AUTS2: variants seen among roughly 807,000 people sequenced by gnomAD.
AUTS2 encodes autism susceptibility gene 2 protein.
Under a neutral mutation model 112.4 loss-of-function variants are expected in AUTS2, and 17 were observed. The ratio of observed to expected loss-of-function variants is 0.15; its 90% CI spans 0.10 to 0.23. The LOEUF is 0.23. Among genes scored for constraint, AUTS2 ranks in the 10% least tolerant of loss-of-function variants. The probability of loss-of-function intolerance (pLI) is 1.00; values close to 1 mark genes in which losing one functional copy is unlikely to be tolerated. For synonymous variants in AUTS2, 751 were observed against 702.7 expected (o/e 1.07, Z -1.09); for missense variants, 1,510 against 1,701.6 (o/e 0.89, Z 1.98).
intron 5 of AUTS2, among the ~76,000 whole-genome samples, chr7:70,689,644 C>T (rs564807655): frequency 2.6e-5 from 4 of 151,754 alleles, no homozygotes; most frequent in East Asian, 2.0e-4. Flanking sequence ...GGCATGGTGG[C>T]GGGTGCCTGT....
intron 4 of AUTS2, among the ~76,000 whole-genome samples, chr7:70,422,513 AT>A (rs1795264806): frequency 6.6e-6 from 1 of 152,204 alleles, no homozygotes; most frequent in Non-Finnish European, 1.5e-5. Flanking sequence ...ATAGTGGCTC[AT>A]GCCTGTAATC....
At chr7:70,280,463 T>G (rs1788160204) in intron 4 of AUTS2, among the ~76,000 whole-genome samples, 1 of 149,304 alleles carries the variant, frequency 6.7e-6, no homozygotes, top group Non-Finnish European at 1.5e-5. Flanking sequence ...TTTTTTTTTT[T>G]TTTTTTGTAT....
intron 5 of AUTS2, among the ~76,000 whole-genome samples, chr7:70,597,270 C>A (rs569773782): frequency 6.6e-6 from 1 of 152,298 alleles, no homozygotes; most frequent in East Asian, 1.9e-4. Context: ...ATTGGGTAAT[C>A]TCTAAAACTG....
rs377191731 is a variant in AUTS2, at chr7:70,576,947, G to T, written c.691-121622G>T. ...ACAGTTTGGGAAATGCTACTCCAGA[G>T]GATCTGGAGTAAGACAAACCAGCAG... On this transcript the variant is annotated intron_variant, in intron 5 of 18. Coordinates refer to ENST00000342771, the MANE Select transcript of AUTS2 (RefSeq NM_015570.4). 2.4e-4 allele frequency among the ~76,000 whole-genome samples: 37 copies of T among 152,124 alleles called. 1 individual carries two copies. Among genetic ancestry groups the T allele is most frequent in the African/African-American group, 8.7e-4 (36 of 41,384 alleles).
intron 5 of AUTS2, among the ~76,000 whole-genome samples, chr7:70,441,517 C>T (rs1796122724): frequency 6.6e-6 from 1 of 152,158 alleles, no homozygotes; most frequent in Non-Finnish European, 1.5e-5. Context: ...TCCCAAGTAG[C>T]TGGGACTACA....
chr7:69,767,519 TA>T (rs1217164081), intron 1 of AUTS2, among the ~76,000 whole-genome samples: 2 of 152,216 alleles, frequency 1.3e-5, no homozygotes, highest in African/African-American at 4.8e-5. Context: ...ACTTTTGCCG[TA>T]GTTGGACTTC....
At chr7:70,463,289 G>C (rs1797043123) in intron 5 of AUTS2, among the ~76,000 whole-genome samples, 1 of 152,192 alleles carries the variant, frequency 6.6e-6, no homozygotes, top group African/African-American at 2.4e-5. Context: ...AAAACCCGTA[G>C]AAAACCCTAG....
At chr7:69,803,354 T>G (rs752059657) in intron 1 of AUTS2, among the ~76,000 whole-genome samples, 1 of 152,106 alleles carries the variant, frequency 6.6e-6, no homozygotes, top group Non-Finnish European at 1.5e-5. Context: ...CATGTGCCAG[T>G]GGGGGCCATC....
chr7:70,349,274 T>G (rs1267123019), intron 4 of AUTS2, among the ~76,000 whole-genome samples: 1 of 152,236 alleles, frequency 6.6e-6, no homozygotes, highest in Non-Finnish European at 1.5e-5. Context: ...TTAGTGATTC[T>G]GCTGCTTGGT....
intron 2 of AUTS2, among the ~76,000 whole-genome samples, chr7:70,040,117 T>C (rs965967046): frequency 1.3e-5 from 2 of 152,086 alleles, no homozygotes; most frequent in African/African-American, 4.8e-5. Context: ...GGGCAGTGAC[T>C]CTGTATTACA....
chr7:70,095,676 A>G (rs1804157479), intron 2 of AUTS2, among the ~76,000 whole-genome samples: 1 of 152,202 alleles, frequency 6.6e-6, no homozygotes, highest in Admixed American at 6.5e-5. Flanking sequence ...AAATAATAAT[A>G]CAGTTATACA....
intron 5 of AUTS2, among the ~76,000 whole-genome samples, chr7:70,464,809 G>A (rs762178923): frequency 9.2e-5 from 14 of 152,158 alleles, no homozygotes; most frequent in Non-Finnish European, 1.8e-4. Context: ...TCAGGGTCTT[G>A]GATACCAGGA....
chr7:70,179,254 C>G (rs1325515811), intron 4 of AUTS2, among the ~76,000 whole-genome samples: 1 of 152,156 alleles, frequency 6.6e-6, no homozygotes, highest in Non-Finnish European at 1.5e-5. Context: ...ACAGACACGT[C>G]TTTTGAGTCC....
At chr7:70,339,727 CAG>C (rs1215590561) in intron 4 of AUTS2, among the ~76,000 whole-genome samples, 1 of 152,112 alleles carries the variant, frequency 6.6e-6, no homozygotes, top group African/African-American at 2.4e-5. Context: ...ATTTAAGTCT[CAG>C]ATTGTTCAAG....
At chr7:69,942,654 T>A (rs1446121557) in intron 2 of AUTS2, among the ~76,000 whole-genome samples, 5 of 152,228 alleles carry the variant, frequency 3.3e-5, no homozygotes, top group African/African-American at 1.2e-4. Context: ...CCCACTGGGC[T>A]GTGATTCCAT....
intron 4 of AUTS2, among the ~76,000 whole-genome samples, chr7:70,155,844 G>A (rs769159911): frequency 6.6e-6 from 1 of 152,146 alleles, no homozygotes; most frequent in African/African-American, 2.4e-5. Context: ...AGGAGCCCGT[G>A]TGAGTTCATG....
At chr7:70,714,104 T>C (rs560290367) in intron 6 of AUTS2, among the ~76,000 whole-genome samples, 1 of 152,272 alleles carries the variant, frequency 6.6e-6, no homozygotes, top group African/African-American at 2.4e-5. Flanking sequence ...ATCACACCAC[T>C]CAAAGGTGTG....
At chr7:70,161,180 G>A (rs1423560621) in intron 4 of AUTS2, among the ~76,000 whole-genome samples, 5 of 152,114 alleles carry the variant, frequency 3.3e-5, no homozygotes, top group African/African-American at 1.2e-4. Flanking sequence ...AAAGGAAACA[G>A]GAGTAAAATC....
At position 70,631,289 on chromosome 7, in the gene AUTS2, G is replaced by A. The variant is rs577671120; in HGVS notation, c.691-67280G>A. 1.3e-5 allele frequency among the ~76,000 whole-genome samples: 2 copies of A among 152,298 alleles called. No individual in the cohort carries two copies. Among genetic ancestry groups the A allele is most frequent in the East Asian group, 1.9e-4 (1 of 5,178 alleles). ...GCAGGGCTGGGGCCCGGCTTGCTGC[G>A]GGCTGGCCGGGCTGCTGGCTCGCCT... On this transcript the variant is annotated intron_variant, in intron 5 of 18. Coordinates refer to ENST00000342771, the MANE Select transcript of AUTS2 (RefSeq NM_015570.4). This position sits in a 1 kb window ranked among gnomAD's most constrained non-coding sequence, Gnocchi z 4.5.
Sources: gnomAD v4.1 joint callset for allele counts (sites outside exome capture counted in the v4.1 genomes callset) on GRCh38, gnomAD v4.1.1 for gene constraint, Gnocchi (gnomAD v3.1) non-coding constraint, MANE v1.5 for transcripts, NCBI Gene and HGNC (gene_info 2026-07-23, HGNC 2026-07-21) for gene names.